LRMDA: variants seen among roughly 807,000 people sequenced by gnomAD.
LRMDA encodes the protein leucine rich melanocyte differentiation associated.
Under a neutral mutation model 29.8 loss-of-function variants are expected in LRMDA, and 18 were observed. That is an observed-to-expected ratio of 0.60 (90% CI 0.42 to 0.90). LRMDA has a LOEUF of 0.90. Ranked by LOEUF, LRMDA falls within the 40% of genes least tolerant of loss-of-function variation. LRMDA has a pLI of 0.00. For missense variants in LRMDA, 273 were observed against 273.9 expected, an observed-to-expected ratio of 1.00 and a Z score of 0.02; for synonymous variants, 125 against 109.4, an observed-to-expected ratio of 1.14 and a Z score of -0.89.
intron 6 of LRMDA, among the ~76,000 whole-genome samples, chr10:76,547,747 C>T (rs1055855828): frequency 2.6e-5 from 4 of 152,092 alleles, no homozygotes; most frequent in Non-Finnish European, 4.4e-5. Context: ...GACCACTGTC[C>T]GCTTTGACTG....
chr10:76,457,865 G>A (rs550581353), intron 6 of LRMDA, among the ~76,000 whole-genome samples: 22 of 152,242 alleles, frequency 1.4e-4, no homozygotes, highest in African/African-American at 4.8e-4. Flanking sequence ...ACTTTATAGG[G>A]TGTAGCTGCT....
At chr10:76,196,919 A>ACCAGAAG (rs1851340445) in intron 5 of LRMDA, among the ~76,000 whole-genome samples, 1 of 152,118 alleles carries the variant, frequency 6.6e-6, no homozygotes, top group Non-Finnish European at 1.5e-5. Flanking sequence ...TGGCTACCTT[A>ACCAGAAG]TGGTGCAACC....
chr10:76,097,864 A>G (rs1208646055), intron 5 of LRMDA, among the ~76,000 whole-genome samples: 3 of 152,138 alleles, frequency 2.0e-5, no homozygotes, highest in Non-Finnish European at 4.4e-5. Flanking sequence ...TACTAATTGT[A>G]CTTATTCATG....
chr10:75,548,421 C>G (rs1840104062), intron 2 of LRMDA, among the ~76,000 whole-genome samples: 2 of 152,126 alleles, frequency 1.3e-5, no homozygotes, highest in Non-Finnish European at 2.9e-5. Flanking sequence ...AGTTCCTTTC[C>G]CATGCAACAG....
chr10:76,533,316 C>T (rs1475304777), intron 6 of LRMDA, among the ~76,000 whole-genome samples: 5 of 152,228 alleles, frequency 3.3e-5, no homozygotes, highest in African/African-American at 7.2e-5. Flanking sequence ...TTCCTATATC[C>T]GGATTCAACT....
At chr10:75,733,132 G>A (rs1842719103) in intron 2 of LRMDA, among the ~76,000 whole-genome samples, 1 of 152,214 alleles carries the variant, frequency 6.6e-6, no homozygotes, top group Non-Finnish European at 1.5e-5. Context: ...AAATGAATAT[G>A]TGGGCTATGT....
chr10:76,345,873 C>T (rs1411291604), intron 6 of LRMDA, among the ~76,000 whole-genome samples: 25 of 151,978 alleles, frequency 1.6e-4, no homozygotes, highest in Admixed American at 1.6e-3. Context: ...ATATGTCTGT[C>T]AGGAAAGAAA....
chr10:75,851,935 C>T (rs2132311650), intron 2 of LRMDA, among the ~76,000 whole-genome samples: 1 of 152,318 alleles, frequency 6.6e-6, no homozygotes, highest in East Asian at 1.9e-4. Context: ...CGAAGAAGGT[C>T]CCTTCGGTTG....
intron 2 of LRMDA, among the ~76,000 whole-genome samples, chr10:75,902,323 T>C (rs758412532): frequency 1.3e-5 from 2 of 152,182 alleles, no homozygotes; most frequent in African/African-American, 2.4e-5. Flanking sequence ...CATGGTCTAC[T>C]AACTGGGGAG....
At chr10:76,518,867 T>C (rs1433862109) in intron 6 of LRMDA, among the ~76,000 whole-genome samples, 1 of 152,202 alleles carries the variant, frequency 6.6e-6, no homozygotes, top group African/African-American at 2.4e-5. Context: ...ACACACATTC[T>C]TAAGCATATA....
intron 6 of LRMDA, among the ~76,000 whole-genome samples, chr10:76,413,374 C>T (rs1231965146): frequency 6.6e-6 from 1 of 152,202 alleles, no homozygotes; most frequent in African/African-American, 2.4e-5. Context: ...CACCGTTCTA[C>T]CTGGCTGGGG....
chr10:75,465,649 A>T (rs1470615693), intron 2 of LRMDA, among the ~76,000 whole-genome samples: 1 of 152,218 alleles, frequency 6.6e-6, no homozygotes, highest in African/African-American at 2.4e-5. Context: ...CCTGTTGAAC[A>T]TGCTTGGCAT....
chr10:75,711,478 C>T lies in LRMDA; in HGVS notation c.131+272984C>T, dbSNP rs187590903. The stretch of plus-strand genomic sequence containing the variant: ...TTTTTTGGAACATTGTGTAGAAGAA[C>T]GTACCCCACTGAGCTCCTTTAAAGC... On this transcript the variant is annotated intron_variant, in intron 2 of 6. Transcript: ENST00000611255. 2.6e-3 allele frequency among the ~76,000 whole-genome samples: 397 copies of T among 152,212 alleles called. 1 individual carries two copies. Among genetic ancestry groups the T allele is most frequent in the Middle Eastern group, 0.01 (3 of 294 alleles).
chr10:76,518,280 CATCTATCTATCTATCTATCT>C (rs10568061), intron 6 of LRMDA, among the ~76,000 whole-genome samples: 10 of 146,568 alleles, frequency 6.8e-5, no homozygotes, highest in African/African-American at 1.0e-4. Context: ...ATTTATCTAT[CATCTATCTATCTATCTATCT>C]ATCTATCTAT....
At chr10:76,509,315 G>A (rs914583198) in intron 6 of LRMDA, among the ~76,000 whole-genome samples, 2 of 152,086 alleles carry the variant, frequency 1.3e-5, no homozygotes, top group South Asian at 2.1e-4. Flanking sequence ...CAAATGAAAC[G>A]TATTTGCTGC....
intron 2 of LRMDA, among the ~76,000 whole-genome samples, chr10:75,765,838 CCACT>C (rs567930504): frequency 9.6e-4 from 145 of 151,216 alleles, no homozygotes; most frequent in Middle Eastern, 3.4e-3. Flanking sequence ...GCTGGGGTGC[CCACT>C]GTGTGTCATG....
intron 2 of LRMDA, among the ~76,000 whole-genome samples, chr10:75,653,542 T>TCC (rs562423139): frequency 1.9e-3 from 292 of 152,290 alleles, no homozygotes; most frequent in African/African-American, 6.5e-3. Flanking sequence ...AATGTAAATA[T>TCC]CCAGTTGAAT....
intron 5 of LRMDA, among the ~76,000 whole-genome samples, chr10:76,126,217 G>A (rs1040468955): frequency 7.9e-5 from 12 of 152,292 alleles, no homozygotes; most frequent in African/African-American, 2.4e-4. Flanking sequence ...GATGGAGCTG[G>A]CTTTTCCAGT....
At chr10:76,104,320 G>C (rs761930382) in intron 5 of LRMDA, among the ~76,000 whole-genome samples, 4 of 152,054 alleles carry the variant, frequency 2.6e-5, no homozygotes, top group Non-Finnish European at 4.4e-5. Context: ...TCTTTCCCTT[G>C]CTCTGTGTCC....
Sources: gnomAD v4.1 joint callset for allele counts (sites outside exome capture counted in the v4.1 genomes callset) on GRCh38, gnomAD v4.1.1 for gene constraint, MANE v1.5 for transcripts, NCBI Gene and HGNC (gene_info 2026-07-23, HGNC 2026-07-21) for gene names.